Variants in ASAH1 observed in about 807,000 individuals in gnomAD.
The protein encoded by ASAH1 is acid ceramidase.
In ASAH1, 70 loss-of-function variants were observed where a neutral mutation model predicts 59.5. The ratio of observed to expected loss-of-function variants is 1.18; its 90% CI spans 0.97 to 1.43. ASAH1 has a LOEUF of 1.43. Among genes scored for constraint, ASAH1 ranks in the 40% most tolerant of loss-of-function variants. ASAH1 has a pLI of 0.00. For synonymous variants in ASAH1, 213 were observed against 166.5 expected (o/e 1.28, Z -2.15); for missense variants, 660 against 482.5 (o/e 1.37, Z -3.45).
chr8:18,071,998 G>A (rs1042316406), intron 2 of ASAH1, among the ~76,000 whole-genome samples: 11 of 152,190 alleles, frequency 7.2e-5, no homozygotes, highest in African/African-American at 2.4e-4. Flanking sequence ...GCTGTATTCT[G>A]TCATATCCTC....
chr8:18,084,810 T>C (rs1800829183), upstream of ASAH1: 1 of 1,612,780 alleles, frequency 6.2e-7, no homozygotes, highest in African/African-American at 1.3e-5. Flanking sequence ...ATTAAGCGGC[T>C]GTGTTTCCTC....
At chr8:18,065,608 T>C (rs992065363) in intron 5 of ASAH1, 2 of 152,138 alleles carry the variant, frequency 1.3e-5, no homozygotes, top group African/African-American at 4.8e-5. Context: ...AAACCATCAA[T>C]ATCTAAGAAT....
chr8:18,061,308 A>C lies in ASAH1; in HGVS notation c.785+69T>G, dbSNP rs1799687717. ...CAAAGGATTAAGCTGGAGCTTGACA[A>C]ATATTTTTATTTTTTAATATGAGTA... On this transcript the variant is annotated intron_variant, in intron 10 of 13. Coordinates refer to ENST00000637790, the MANE Select transcript of ASAH1 (RefSeq NM_177924.5). The C allele has an allele frequency of 2.2e-6, 3 of 1,342,324 alleles. No individual in the cohort carries two copies. The Middle Eastern group carries it at 7.7e-4, about 344-fold the overall frequency. 83.2% of individuals were successfully genotyped at this position (1,342,324 alleles called of 1,614,324 possible).
intron 5 of ASAH1, chr8:18,065,004 T>C (rs1330897732): frequency 6.5e-6 from 1 of 154,912 alleles, no homozygotes; most frequent in South Asian, 2.0e-4. Context: ...ATTTTATTTT[T>C]TGAATATTTT....
At chr8:18,084,834 G>T (rs768866919), upstream of ASAH1, 25 of 1,610,282 alleles carry the variant, frequency 1.6e-5, no homozygotes, top group African/African-American at 5.3e-5. Flanking sequence ...ACTGGCGAAG[G>T]ACTCAGGTGG....
intron 1 of ASAH1, 186 bp downstream of exon 1, chr8:18,083,795 T>G: frequency 8.3e-7 from 1 of 1,211,814 alleles, no homozygotes; most frequent in Non-Finnish European, 1.1e-6. Flanking sequence ...TAGCACCGAA[T>G]CTACCGAGGA....
chr8:18,068,937 GGAGA>G lies in ASAH1; in HGVS notation c.303+851_303+854del, dbSNP rs565335355. Among the ~76,000 whole-genome samples the G allele has an allele frequency of 1.6e-3, 239 of 152,158 alleles. 2 individuals are homozygous for G. In the South Asian group the frequency reaches 0.021, roughly 13 times the overall value. On this transcript the variant is annotated intron_variant, in intron 4 of 13. Transcript: ENST00000637790. The stretch of plus-strand genomic sequence containing the variant: ...GAAGATCGCCTGAGCCCAGGAGTTG[GGAGA>G]CCAGCCTGGGTGACACAGCAAGCCT...
At chr8:18,084,948 C>T, upstream of ASAH1, 1 of 1,210,646 alleles carries the variant, frequency 8.3e-7, no homozygotes, top group Non-Finnish European at 1.2e-6. Flanking sequence ...GGGTAGGTGA[C>T]CGGGTTGGAT....
At position 18,057,276 on chromosome 8, in the gene ASAH1, T is replaced by G. The variant is rs925169448; in HGVS notation, c.*258A>C. On this transcript the variant is annotated 3_prime_UTR_variant, in exon 14 of 14. Coordinates refer to ENST00000637790, the MANE Select transcript of ASAH1 (RefSeq NM_177924.5). ...CCCACCAGATCCCCAAATGTCAAAG[T>G]GAAACAAAACTCAGTGAATTCTAGA... is the stretch of plus-strand genomic sequence containing the variant. 2.9e-6 allele frequency: 1 copy of G among 345,434 alleles called. No homozygotes were observed. Among genetic ancestry groups the G allele is most frequent in the African/African-American group, 2.1e-5 (1 of 46,714 alleles). 21.4% of individuals were successfully genotyped at this position (345,434 alleles called of 1,614,324 possible).
At chr8:18,076,899 T>C (rs1800424900) in intron 1 of ASAH1, among the ~76,000 whole-genome samples, 1 of 152,244 alleles carries the variant, frequency 6.6e-6, no homozygotes, top group African/African-American at 2.4e-5. Flanking sequence ...AAATTTGCCT[T>C]ACCACACTGT....
In ASAH1 at chr8:18,056,923, A is replaced by C. The variant is rs1204416247; in HGVS notation, c.*611T>G. On this transcript the variant is annotated 3_prime_UTR_variant, in exon 14 of 14. Coordinates refer to ENST00000637790, the MANE Select transcript of ASAH1 (RefSeq NM_177924.5). ...GCATACTGATTACTTCTTGAACCCC[A>C]AAAAGTGCTATTTAGAGGCAAGGGC... 6.5e-6 allele frequency: 1 copy of C among 152,774 alleles called. No homozygotes were observed. Among genetic ancestry groups the C allele is most frequent in the East Asian group, 1.9e-4 (1 of 5,210 alleles). 9.5% of individuals were successfully genotyped at this position (152,774 alleles called of 1,614,324 possible).
At chr8:18,080,131 T>C (rs1394073233) in intron 1 of ASAH1, among the ~76,000 whole-genome samples, 1 of 152,238 alleles carries the variant, frequency 6.6e-6, no homozygotes, top group African/African-American at 2.4e-5. Flanking sequence ...AATAAATTCC[T>C]AGGCCAGATG....
intron 2 of ASAH1, 112 bp downstream of exon 2, chr8:18,075,429 G>A: frequency 8.7e-7 from 1 of 1,154,406 alleles, no homozygotes; most frequent in Non-Finnish European, 1.3e-6. Flanking sequence ...TCTCGGAATG[G>A]GAAACATGAC....
chr8:18,067,863 A>G (rs923876678), intron 4 of ASAH1: 2 of 152,222 alleles, frequency 1.3e-5, no homozygotes, highest in African/African-American at 4.8e-5. Flanking sequence ...GACATCATAT[A>G]TTTATTCTCA....
chr8:18,084,678 G>T, upstream of ASAH1: 1 of 1,613,454 alleles, frequency 6.2e-7, no homozygotes, highest in South Asian at 1.1e-5. Context: ...TTACCCACTT[G>T]GGCTTTCACA....
In ASAH1 at chr8:18,056,807, T is replaced by C. The variant is rs1436152429; in HGVS notation, c.*727A>G. On this transcript the variant is annotated 3_prime_UTR_variant, in exon 14 of 14. Coordinates refer to ENST00000637790, the MANE Select transcript of ASAH1 (RefSeq NM_177924.5). The stretch of plus-strand genomic sequence containing the variant: ...TAAATTAACAGAACGTGGGATGCAG[T>C]TTTTTAAGTTAGCAACTTCCTTAGG... 1 of 145,552 alleles carries C rather than the reference T, an allele frequency of 6.9e-6. No individual in the cohort carries two copies. The highest frequency in any genetic ancestry group is 2.1e-4 in the East Asian group (1 of 4,698). The allele number at this position is 145,552 out of a possible 1,614,324, so 9.0% of individuals were successfully genotyped here. A position where few individuals can be genotyped will look rare whatever the true frequency, so the allele number is the denominator to read the frequency against.
chr8:18,062,618 C>T, intron 7 of ASAH1, 195 bp from the exon 8 acceptor site: 2 of 616,576 alleles, frequency 3.2e-6, no homozygotes, highest in Non-Finnish European at 5.7e-6. Context: ...AGTCAGGTAA[C>T]TCTCTCAATA....
Position 18,061,488 on chromosome 8 carries a change from CG to C in ASAH1, c.704-31del, listed in dbSNP as rs748249790. ...AAGAGATGAACACAATGTCAGGAAC[CG>C]GAAGAGGTGACACTATGTAACCAGT... On this transcript the variant is annotated intron_variant, in intron 9 of 13. Transcript: ENST00000637790. The C allele has an allele frequency of 5.7e-6, 9 of 1,577,552 alleles. No homozygotes were observed. The Admixed American group carries it at 1.5e-4, about 26-fold the overall frequency.
intron 2 of ASAH1, among the ~76,000 whole-genome samples, chr8:18,074,094 T>C (rs34288580): frequency 6.6e-6 from 1 of 152,016 alleles, no homozygotes; most frequent in Non-Finnish European, 1.5e-5. Flanking sequence ...TAGACACATG[T>C]AAAGTGCACC....
Sources: allele counts gnomAD v4.1 joint callset (sites outside exome capture counted in the v4.1 genomes callset), GRCh38; gene constraint gnomAD v4.1.1; transcripts MANE v1.5; gene names NCBI Gene and HGNC (gene_info 2026-07-23, HGNC 2026-07-21).